DGKK: variants seen among roughly 807,000 people sequenced by gnomAD.
The protein encoded by DGKK is 142 kDa diacylglycerol kinase.
DGKK carries 35 observed loss-of-function variants against 92.2 expected under a neutral mutation model. The observed-to-expected ratio is 0.38, with a 90% CI of 0.29 to 0.50. DGKK has a LOEUF of 0.50. Among genes scored for constraint, DGKK ranks in the 20% least tolerant of loss-of-function variants. The pLI is 0.92. For synonymous variants in DGKK, 368 were observed against 360.6 expected (o/e 1.02, Z -0.23); for missense variants, 910 against 992.2 (o/e 0.92, Z 1.11).
chrX:50,378,541 T>C, intron 21 of DGKK, 37 bp downstream of exon 21: 1 of 1,116,996 alleles, frequency 9.0e-7, no homozygotes, highest in Non-Finnish European at 1.2e-6. Flanking sequence ...GTCAAAAACC[T>C]CAGCCCCTTC....
At chrX:50,442,259 T>G (rs1366576144) in intron 1 of DGKK, among the ~76,000 whole-genome samples, 1 of 111,708 alleles carries the variant, frequency 9.0e-6, no homozygotes, top group Non-Finnish European at 1.9e-5. Context: ...TCACTCAGGT[T>G]TATGTAACTA....
chrX:50,440,595 A>G (rs782488012), intron 1 of DGKK, among the ~76,000 whole-genome samples: 2 of 111,744 alleles, frequency 1.8e-5, no homozygotes, highest in Non-Finnish European at 3.8e-5. Flanking sequence ...ACAAATGGCA[A>G]ATGCATCTTC....
At chrX:50,371,569 G>T (rs1208293378) in intron 26 of DGKK, among the ~76,000 whole-genome samples, 155 bp downstream of exon 26, 3 of 111,595 alleles carry the variant, frequency 2.7e-5, no homozygotes, top group Non-Finnish European at 5.6e-5. Flanking sequence ...AGATTGGGGG[G>T]AGGTGGGCAG....
chrX:50,370,298 C>G lies in DGKK; in HGVS notation c.3736+128G>C, dbSNP rs886165459. 4 of 869,069 alleles carry G rather than the reference C, an allele frequency of 4.6e-6. No homozygotes were observed. In the Admixed American group the frequency reaches 1.5e-4, roughly 32 times the overall value. 71.6% of individuals were successfully genotyped at this position (869,069 alleles called of 1,213,427 possible). On this transcript the variant is annotated intron_variant, in intron 27 of 27. Coordinates refer to ENST00000611977, the MANE Select transcript of DGKK (RefSeq NM_001013742.4). ...GCTTGGTATCACTTACTGCTGACTC[C>G]CAGATGGCCTCCCGCTTCATCATCA...
At chrX:50,447,986 C>T (rs983903751) in intron 1 of DGKK, among the ~76,000 whole-genome samples, 1 of 110,783 alleles carries the variant, frequency 9.0e-6, no homozygotes, top group Non-Finnish European at 1.9e-5. Context: ...TATTTGGGAC[C>T]CTTAAGCAAA....
intron 4 of DGKK, among the ~76,000 whole-genome samples, chrX:50,416,008 C>T (rs1481796794): frequency 9.0e-6 from 1 of 111,677 alleles, no homozygotes; most frequent in African/African-American, 3.3e-5. Flanking sequence ...GCTCCCCACA[C>T]GTTATAGGAA....
At chrX:50,440,616 CA>C (rs1926148849) in intron 1 of DGKK, among the ~76,000 whole-genome samples, 1 of 111,633 alleles carries the variant, frequency 9.0e-6, no homozygotes, top group Non-Finnish European at 1.9e-5. Flanking sequence ...TTATTTACTG[CA>C]TGCCTTTGGG....
At chrX:50,417,397 T>C (rs1334808833) in intron 4 of DGKK, among the ~76,000 whole-genome samples, 1 of 110,543 alleles carries the variant, frequency 9.0e-6, no homozygotes, top group African/African-American at 3.3e-5. Flanking sequence ...GACTTACATC[T>C]CCAGATGCTC....
At chrX:50,445,963 G>A (rs1557231805) in intron 1 of DGKK, among the ~76,000 whole-genome samples, 1 of 111,136 alleles carries the variant, frequency 9.0e-6, no homozygotes, top group African/African-American at 3.3e-5. Context: ...TCTTTGACAA[G>A]TGTGTTGTAA....
intron 25 of DGKK, among the ~76,000 whole-genome samples, chrX:50,374,054 T>G (rs1202153262): frequency 9.0e-6 from 1 of 111,379 alleles, no homozygotes; most frequent in African/African-American, 3.3e-5. Context: ...CCCAGAGAGG[T>G]GAAGTCACAC....
intron 1 of DGKK, among the ~76,000 whole-genome samples, chrX:50,451,732 G>A (rs1373159507): frequency 3.6e-5 from 4 of 111,399 alleles, no homozygotes; most frequent in Non-Finnish European, 7.5e-5. Flanking sequence ...AGTCAGAGAG[G>A]TACATGCTAA....
intron 1 of DGKK, among the ~76,000 whole-genome samples, chrX:50,461,314 T>G (rs1190162692): frequency 1.8e-5 from 2 of 112,276 alleles, no homozygotes; most frequent in African/African-American, 6.5e-5. Flanking sequence ...CGTGTGGGGC[T>G]GTGACTGGGG....
At chrX:50,457,551 T>A (rs147049055) in intron 1 of DGKK, among the ~76,000 whole-genome samples, 145 of 112,177 alleles carry the variant, frequency 1.3e-3, no homozygotes, top group African/African-American at 4.5e-3. Context: ...TTTTGTAAGA[T>A]ACTTCGTATC....
rs782627585 is a variant in DGKK, at chrX:50,390,510, G to T, written c.1845-101C>A. On this transcript the variant is annotated intron_variant, in intron 11 of 27. Transcript: ENST00000611977. ...ACAGAAGTAAAAATGTTTATGTGGT[G>T]GGGGGAGGTGGGTTGTAGGGGGTGT... 4.9e-5 allele frequency: 36 copies of T among 738,796 alleles called. No homozygotes were observed. The South Asian group carries it at 5.0e-4, about 10-fold the overall frequency. The allele number at this position is 738,796 out of a possible 1,213,427, so 60.9% of individuals were successfully genotyped here.
chrX:50,371,694 C>G, intron 26 of DGKK, 30 bp downstream of exon 26: 3 of 1,077,785 alleles, frequency 2.8e-6, no homozygotes, highest in Non-Finnish European at 3.8e-6. Context: ...CCCTCTTTCC[C>G]TTTATTTCCC....
Position 50,403,156 on chromosome X carries a change from T to C in DGKK, c.1213A>G (p.Asn405Asp). Residue 405 changes from asparagine to aspartate, a missense_variant, in exon 7 of 28, where the codon AAC (asparagine) becomes GAC (aspartate). Coordinates refer to ENST00000611977, the MANE Select transcript of DGKK (RefSeq NM_001013742.4). ...VNMPHQWVEG[N>D]MPVSSQCAVC... Reference sequence around the variant, plus strand: ...GCACACTGAGAGCTGACAGGCATGTTTCCTTCTACCCATTGATGGGGCATG... The same window carrying C: ...GCACACTGAGAGCTGACAGGCATGTCTCCTTCTACCCATTGATGGGGCATG... 8.3e-7 allele frequency: 1 copy of C among 1,201,910 alleles called. No individual in the cohort carries two copies. The highest frequency in any genetic ancestry group is 1.1e-6 in the Non-Finnish European group (1 of 889,722).
At chrX:50,460,893 C>A (rs1926726294) in intron 1 of DGKK, among the ~76,000 whole-genome samples, 1 of 86,083 alleles carries the variant, frequency 1.2e-5, no homozygotes, top group Non-Finnish European at 2.2e-5. Context: ...AAAGCCATCA[C>A]TAATTTTTTT....
Position 50,470,491 on chromosome X carries a change from G to A in DGKK, c.188C>T (p.Pro63Leu). The A allele has an allele frequency of 8.2e-7, 1 of 1,212,456 alleles. No individual in the cohort carries two copies. The highest frequency in any genetic ancestry group is 1.1e-6 in the Non-Finnish European group (1 of 895,606). The change falls in exon 1 of 28, where the codon CCA becomes CTA. Residue 63 changes from proline (P) to leucine (L), a missense_variant. Pro to Leu is a moderately conservative substitution (Grantham distance 98). Coordinates refer to ENST00000611977, the MANE Select transcript of DGKK (RefSeq NM_001013742.4). ...TGAGGTCGCCTCTGGACAGGGACCT[G>A]GAGCAAGCTCTGGACAGGGCTCTGG... ...PIPEPCPELA[P>L]GPCPEATSES...
At chrX:50,439,087 A>G (rs2147143132) in intron 1 of DGKK, among the ~76,000 whole-genome samples, 1 of 111,928 alleles carries the variant, frequency 8.9e-6, no homozygotes, top group South Asian at 3.7e-4. Context: ...GGATATTTAT[A>G]AAGTGAAATT....
Sources: gnomAD v4.1 joint callset for allele counts (sites outside exome capture counted in the v4.1 genomes callset) on GRCh38, gnomAD v4.1.1 for gene constraint, MANE v1.5 for transcripts, NCBI Gene and HGNC (gene_info 2026-07-23, HGNC 2026-07-21) for gene names.